DOCK2: variants seen among roughly 807,000 people sequenced by gnomAD.
The protein encoded by DOCK2 is dedicator of cytokinesis 2, also known as dedicator of cytokinesis protein 2.
DOCK2 carries 87 observed loss-of-function variants against 248.9 expected under a neutral mutation model. The ratio of observed to expected loss-of-function variants is 0.35; its 90% CI spans 0.29 to 0.42. DOCK2 has a LOEUF of 0.42. Ranked by LOEUF, DOCK2 falls within the 10% of genes least tolerant of loss-of-function variation. The pLI, the probability that DOCK2 is intolerant of heterozygous loss-of-function variation, is 1.00. For synonymous variants in DOCK2, 805 were observed against 821.6 expected, an observed-to-expected ratio of 0.98 and a Z score of 0.35; for missense variants, 1,747 against 2,300.2, an observed-to-expected ratio of 0.76 and a Z score of 4.92.
chr5:170,055,368 T>C lies in DOCK2; in HGVS notation c.4277T>C (p.Val1426Ala). Residue 1426 changes from valine (V) to alanine (A), a missense_variant, in exon 42 of 52, where the codon GTG (valine) becomes GCG (alanine). By Grantham distance (64) the Val-to-Ala change is moderately conservative. This residue lies in a region of DOCK2 where 513 missense variants were observed against 586.1 expected (regional missense o/e 0.88). Transcript: ENST00000520908. ...DEHPRFKNKP[V>A]PDQIINFYKS... ...CATCCCAGGTTCAAGAATAAGCCAG[T>C]GCCTGACCAGATTATAAAGTAAGAC... The C allele has an allele frequency of 6.2e-7, 1 of 1,614,060 alleles. No individual in the cohort carries two copies. Among genetic ancestry groups the C allele is most frequent in the South Asian group, 1.1e-5 (1 of 91,078 alleles).
At chr5:170,056,859 G>C in intron 43 of DOCK2, 91 bp downstream of exon 43, 1 of 1,207,828 alleles carries the variant, frequency 8.3e-7, no homozygotes, top group Non-Finnish European at 1.2e-6. Flanking sequence ...GAAGGAACTT[G>C]ATAGAAAGCC....
At chr5:169,911,308 A>G (rs1489680473) in intron 27 of DOCK2, among the ~76,000 whole-genome samples, 3 of 152,124 alleles carry the variant, frequency 2.0e-5, no homozygotes, top group African/African-American at 4.8e-5. Context: ...CCACACACAT[A>G]CCAATCGTGT....
intron 27 of DOCK2, among the ~76,000 whole-genome samples, chr5:169,943,305 A>T (rs1472614597): frequency 6.6e-6 from 1 of 152,204 alleles, no homozygotes; most frequent in Non-Finnish European, 1.5e-5. Flanking sequence ...AGGAATAAGC[A>T]GTAGCTGTCT....
chr5:169,956,701 C>T (rs1025946686), intron 27 of DOCK2, among the ~76,000 whole-genome samples: 3 of 152,176 alleles, frequency 2.0e-5, no homozygotes, highest in African/African-American at 7.2e-5. Context: ...CTTAAATTCA[C>T]CTGTTTATAA....
chr5:169,682,808 T>G (rs922989272), intron 7 of DOCK2, among the ~76,000 whole-genome samples: 1 of 152,196 alleles, frequency 6.6e-6, no homozygotes, highest in African/African-American at 2.4e-5. Flanking sequence ...GTGCTCCTTC[T>G]CCAGCCCCAA....
At chr5:170,055,808 G>A (rs1274306759) in intron 42 of DOCK2, among the ~76,000 whole-genome samples, 1 of 152,238 alleles carries the variant, frequency 6.6e-6, no homozygotes, top group Non-Finnish European at 1.5e-5. Context: ...CAGCATTTGT[G>A]AAGGTTGTAC....
intron 1 of DOCK2, among the ~76,000 whole-genome samples, chr5:169,652,810 G>A (rs1402745953): frequency 2.0e-5 from 3 of 152,194 alleles, no homozygotes; most frequent in Non-Finnish European, 2.9e-5. Context: ...AGAGACTGGC[G>A]GTGGTCTCTG....
At chr5:169,749,003 T>C (rs990054455) in intron 23 of DOCK2, among the ~76,000 whole-genome samples, 3 of 152,234 alleles carry the variant, frequency 2.0e-5, no homozygotes, top group South Asian at 2.1e-4. Context: ...CCAAAGCTCC[T>C]TCTCCTGCAG....
rs995211184 is a variant in DOCK2, at chr5:170,080,082, G to A, written c.5167-81G>A. ...GAAACCATGCCACGCCCTCCTCACT[G>A]ATCTTTCAGAGACCCAGATCTGCCT... On this transcript the variant is annotated intron_variant, in intron 49 of 51. Coordinates refer to ENST00000520908, the MANE Select transcript of DOCK2 (RefSeq NM_004946.3). 3.2e-6 allele frequency: 5 copies of A among 1,587,138 alleles called. No individual in the cohort carries two copies. In the African/African-American group the frequency reaches 4.0e-5, roughly 13 times the overall value.
intron 32 of DOCK2, among the ~76,000 whole-genome samples, chr5:170,012,278 G>C (rs183803306): frequency 1.4e-5 from 2 of 147,692 alleles, no homozygotes; most frequent in African/African-American, 4.9e-5. Flanking sequence ...AATGACCAAC[G>C]ATCTACGTTT....
chr5:169,864,197 A>G (rs947609933), intron 27 of DOCK2: 27 of 1,284,318 alleles, frequency 2.1e-5, no homozygotes, highest in Non-Finnish European at 3.0e-5. Flanking sequence ...GAAGCAGGGC[A>G]GGCCTTAAGT....
At chr5:169,908,747 C>A (rs1471125338) in intron 27 of DOCK2, among the ~76,000 whole-genome samples, 1 of 134,162 alleles carries the variant, frequency 7.5e-6, no homozygotes, top group Non-Finnish European at 1.5e-5. Context: ...CCGAGTCTCA[C>A]TCTGTCGCCC....
rs540013890 is a variant in DOCK2, at chr5:169,895,332, A to G, written c.2799+54480A>G. On this transcript the variant is annotated intron_variant, in intron 27 of 51. Transcript: ENST00000520908. ...TCTTGTTTCTTGCAAAGGGAAGAGC[A>G]TATGGTAGAGAGAACCACCCAGCCT... Among the ~76,000 whole-genome samples, 4 of 151,886 alleles carry G rather than the reference A, an allele frequency of 2.6e-5. No individual in the cohort carries two copies. The South Asian group carries it at 8.3e-4, about 32-fold the overall frequency.
At chr5:169,903,596 C>A (rs1216503195) in intron 27 of DOCK2, among the ~76,000 whole-genome samples, 1 of 152,004 alleles carries the variant, frequency 6.6e-6, no homozygotes, top group African/African-American at 2.4e-5. Context: ...CTTCAGGACA[C>A]AGTAGGTACA....
intron 26 of DOCK2, among the ~76,000 whole-genome samples, chr5:169,826,174 A>G (rs1204740933): frequency 6.6e-6 from 1 of 152,182 alleles, no homozygotes; most frequent in East Asian, 1.9e-4. Flanking sequence ...GCATGATGGT[A>G]TACTTTGGAC....
intron 38 of DOCK2, 24 bp downstream of exon 38, chr5:170,042,156 C>G: frequency 3.8e-6 from 6 of 1,590,126 alleles, no homozygotes; most frequent in Non-Finnish European, 5.1e-6. Flanking sequence ...GCCCACCCCC[C>G]GTGGGGACCC....
At chr5:169,942,976 G>A (rs1402309691) in intron 27 of DOCK2, among the ~76,000 whole-genome samples, 1 of 152,170 alleles carries the variant, frequency 6.6e-6, no homozygotes, top group African/African-American at 2.4e-5. Context: ...CTGGCAAATC[G>A]TATGCGTGGG....
intron 2 of DOCK2, among the ~76,000 whole-genome samples, chr5:169,663,277 G>A (rs1758545590): frequency 6.6e-6 from 1 of 152,224 alleles, no homozygotes; most frequent in South Asian, 2.1e-4. Context: ...GGCATTGCAG[G>A]GTACAGACCC....
chr5:169,694,297 A>G (rs971428685), intron 9 of DOCK2, among the ~76,000 whole-genome samples: 11 of 152,162 alleles, frequency 7.2e-5, no homozygotes, highest in African/African-American at 2.7e-4. Context: ...GGCCCAGGGT[A>G]CTCTACTCTG....
Sources: allele counts gnomAD v4.1 joint callset (sites outside exome capture counted in the v4.1 genomes callset), GRCh38; gene constraint gnomAD v4.1.1; regional missense constraint gnomAD v4.1.1; transcripts MANE v1.5; gene names NCBI Gene and HGNC (gene_info 2026-07-23, HGNC 2026-07-21).